The following BTLA variants were observed in gnomAD, a reference collection of about 807,000 sequenced individuals.
BTLA encodes the protein B and T lymphocyte associated.
BTLA carries 11 observed loss-of-function variants against 25.0 expected under a neutral mutation model. The ratio of observed to expected loss-of-function variants is 0.44; its 90% CI spans 0.28 to 0.73. BTLA has a LOEUF of 0.73. Among genes scored for constraint, BTLA ranks in the 30% least tolerant of loss-of-function variants. The pLI, the probability that BTLA is intolerant of heterozygous loss-of-function variation, is 0.15. For synonymous variants in BTLA, 104 were observed against 119.8 expected (o/e 0.87, Z 0.86); for missense variants, 282 against 332.8 (o/e 0.85, Z 1.19).
At chr3:112,481,111 A>C (rs2082315752) in intron 1 of BTLA, among the ~76,000 whole-genome samples, 1 of 152,162 alleles carries the variant, frequency 6.6e-6, no homozygotes, top group South Asian at 2.1e-4. Context: ...TAAGTCCAAA[A>C]CCCAACAGAG....
intron 4 of BTLA, among the ~76,000 whole-genome samples, chr3:112,467,309 G>C (rs1400393790): frequency 2.0e-5 from 3 of 152,178 alleles, no homozygotes; most frequent in Admixed American, 2.0e-4. Context: ...GAGCTTCTAA[G>C]AAAGAGGTGA....
intron 1 of BTLA, among the ~76,000 whole-genome samples, chr3:112,498,894 A>C (rs1441373531): frequency 6.6e-6 from 1 of 152,188 alleles, no homozygotes; most frequent in Non-Finnish European, 1.5e-5. Context: ...GCAGCACTCT[A>C]CTGCACTCAG....
intron 1 of BTLA, among the ~76,000 whole-genome samples, chr3:112,482,422 G>T (rs115819219): frequency 6.6e-6 from 1 of 152,176 alleles, no homozygotes; most frequent in African/African-American, 2.4e-5. Context: ...AGCAAATTTT[G>T]ACCCTGAGTT....
At chr3:112,467,904 C>A (rs2705544) in intron 4 of BTLA, among the ~76,000 whole-genome samples, 24,182 of 152,200 alleles carry the variant, frequency 0.16, 4,051 homozygotes, top group African/African-American at 0.41. Context: ...TCTGTTTAAG[C>A]CTGTCAATTG....
At position 112,468,190 on chromosome 3, in the gene BTLA, C is replaced by A. The variant is rs556435892; in HGVS notation, c.594+1568G>T. Among the ~76,000 whole-genome samples, 148 of 152,304 alleles carry A rather than the reference C, an allele frequency of 9.7e-4. No homozygotes were observed. The Middle Eastern group carries it at 0.01, about 11-fold the overall frequency. ...ATATGTTTAGATGTAATTCACATGC[C>A]ATAAAATTCACCCTTTTAAGTGTAC... On this transcript the variant is annotated intron_variant, in intron 4 of 4. Transcript: ENST00000334529.
At chr3:112,466,794 C>A (rs924915136) in intron 4 of BTLA, among the ~76,000 whole-genome samples, 11 of 152,026 alleles carry the variant, frequency 7.2e-5, no homozygotes, top group Non-Finnish European at 1.3e-4. Flanking sequence ...AGAACAAATA[C>A]CCCCTAAGAG....
At chr3:112,481,970 G>A (rs1008876513) in intron 1 of BTLA, among the ~76,000 whole-genome samples, 1 of 152,132 alleles carries the variant, frequency 6.6e-6, no homozygotes, top group Non-Finnish European at 1.5e-5. Context: ...AAAGTCCTAA[G>A]ACATAGATAC....
At chr3:112,480,372 G>A (rs1021237323) in intron 1 of BTLA, among the ~76,000 whole-genome samples, 1 of 152,174 alleles carries the variant, frequency 6.6e-6, no homozygotes, top group Non-Finnish European at 1.5e-5. Flanking sequence ...CTCACACAAA[G>A]CCTGTTTGGT....
At chr3:112,472,613 G>C (rs1480275947) in intron 2 of BTLA, among the ~76,000 whole-genome samples, 1 of 152,116 alleles carries the variant, frequency 6.6e-6, no homozygotes, top group East Asian at 1.9e-4. Flanking sequence ...AGAATCGCTT[G>C]AACTCGGTAG....
chr3:112,483,994 C>A (rs1275429499), intron 1 of BTLA, among the ~76,000 whole-genome samples: 2 of 151,584 alleles, frequency 1.3e-5, no homozygotes, highest in Non-Finnish European at 2.9e-5. Context: ...ATACAAACAA[C>A]TTTGCATGGG....
rs557734767 is a variant in BTLA at position 112,468,608 on chromosome 3, C to T, written c.594+1150G>A. ...CCAGCCTACCCAGGAAGAACAATGT[C>T]CACAGCTTAACCAACCTGGGTTTTA... On this transcript the variant is annotated intron_variant, in intron 4 of 4. Transcript: ENST00000334529. 2.6e-5 allele frequency among the ~76,000 whole-genome samples: 4 copies of T among 152,286 alleles called. No individual in the cohort carries two copies. In the South Asian group the frequency reaches 8.3e-4, roughly 32 times the overall value.
At chr3:112,468,516 C>G (rs2107307642) in intron 4 of BTLA, among the ~76,000 whole-genome samples, 1 of 152,262 alleles carries the variant, frequency 6.6e-6, no homozygotes, top group East Asian at 1.9e-4. Flanking sequence ...CGCTTTAAAA[C>G]AAACTTCCCA....
At chr3:112,471,738 T>G (rs890726279) in intron 2 of BTLA, among the ~76,000 whole-genome samples, 4 of 152,198 alleles carry the variant, frequency 2.6e-5, no homozygotes, top group Admixed American at 2.0e-4. Flanking sequence ...CCAAGTCAGA[T>G]AGCTAGTGAG....
At chr3:112,483,041 A>C (rs971295945) in intron 1 of BTLA, among the ~76,000 whole-genome samples, 8 of 152,158 alleles carry the variant, frequency 5.3e-5, no homozygotes. Flanking sequence ...TAGAATTATA[A>C]AAAACAATGA....
intron 1 of BTLA, among the ~76,000 whole-genome samples, chr3:112,497,013 C>A (rs2082412947): frequency 6.6e-6 from 1 of 152,194 alleles, no homozygotes; most frequent in East Asian, 1.9e-4. Flanking sequence ...AAGGCTAGGG[C>A]CATGGCTCCC....
intron 2 of BTLA, among the ~76,000 whole-genome samples, chr3:112,473,485 A>C (rs1423730796): frequency 2.0e-5 from 3 of 152,174 alleles, no homozygotes; most frequent in Non-Finnish European, 4.4e-5. Flanking sequence ...GAATAAGAAG[A>C]GGCACATTCA....
At chr3:112,474,243 C>T (rs999190654) in intron 2 of BTLA, among the ~76,000 whole-genome samples, 4 of 152,080 alleles carry the variant, frequency 2.6e-5, no homozygotes, top group Non-Finnish European at 5.9e-5. Flanking sequence ...TTTTATCAGA[C>T]CTCCAAAATT....
At chr3:112,498,134 C>T (rs186630283) in intron 1 of BTLA, among the ~76,000 whole-genome samples, 2 of 152,280 alleles carry the variant, frequency 1.3e-5, no homozygotes, top group East Asian at 1.9e-4. Context: ...GGCTGCCACA[C>T]TGATGATGAA....
At chr3:112,498,588 T>C (rs1034141296) in intron 1 of BTLA, among the ~76,000 whole-genome samples, 1 of 148,990 alleles carries the variant, frequency 6.7e-6, no homozygotes, top group Non-Finnish European at 1.5e-5. Context: ...TTTTTTTTTT[T>C]TTTGCCTGTA....
Sources: gnomAD v4.1 joint callset for allele counts (sites outside exome capture counted in the v4.1 genomes callset) on GRCh38, gnomAD v4.1.1 for gene constraint, MANE v1.5 for transcripts, NCBI Gene and HGNC (gene_info 2026-07-23, HGNC 2026-07-21) for gene names.